Variants in MTA3 observed in about 807,000 individuals in gnomAD.
MTA3 encodes metastasis associated 1 family member 3, also known as metastasis-associated protein MTA3.
Under a neutral mutation model 83.5 loss-of-function variants are expected in MTA3, and 34 were observed. That is an observed-to-expected ratio of 0.41 (90% CI 0.31 to 0.54). The LOEUF is 0.54. Ranked by LOEUF, MTA3 falls within the 20% of genes least tolerant of loss-of-function variation. The probability of loss-of-function intolerance (pLI) is 0.33; values close to 1 mark genes in which losing one functional copy is unlikely to be tolerated. For missense variants in MTA3, 761 were observed against 726.4 expected, an observed-to-expected ratio of 1.05 and a Z score of -0.55; for synonymous variants, 303 against 252.7, an observed-to-expected ratio of 1.20 and a Z score of -1.89.
At chr2:42,649,077 CT>C (rs1688468521) in intron 6 of MTA3, among the ~76,000 whole-genome samples, 1 of 152,180 alleles carries the variant, frequency 6.6e-6, no homozygotes, top group South Asian at 2.1e-4. Flanking sequence ...TCTTCTCCCC[CT>C]GGCCTCTAGT....
chr2:42,747,042 C>G (rs1438830608), intron 16 of MTA3, among the ~76,000 whole-genome samples: 1 of 151,562 alleles, frequency 6.6e-6, no homozygotes, highest in Non-Finnish European at 1.5e-5. Context: ...CACTCTGTCA[C>G]CCAGGCTGGA....
chr2:42,677,802 A>G (rs1007217320), intron 8 of MTA3, among the ~76,000 whole-genome samples: 6 of 152,154 alleles, frequency 3.9e-5, no homozygotes, highest in Admixed American at 1.3e-4. Context: ...TTTCTTTTGT[A>G]AATTTCCCAG....
rs534456861 is a variant in MTA3 at position 42,560,704 on chromosome 2, A to T, written c.-140-9733A>T. Among the ~76,000 whole-genome samples the T allele has an allele frequency of 3.9e-5, 6 of 152,142 alleles. No homozygotes were observed. In the East Asian group the frequency reaches 1.2e-3, roughly 29 times the overall value. On this transcript the variant is annotated intron_variant, in intron 2 of 17. Transcript: ENST00000405592. Reference sequence around the variant, plus strand: ...CGGATCACCTGAGGTCAGGAGTTTGATACCAGCCTGGCCAACATAGTAAAA... The same window carrying T: ...CGGATCACCTGAGGTCAGGAGTTTGTTACCAGCCTGGCCAACATAGTAAAA...
intron 16 of MTA3, among the ~76,000 whole-genome samples, chr2:42,745,754 C>G (rs1558638856): frequency 6.7e-6 from 1 of 148,868 alleles, no homozygotes; most frequent in South Asian, 2.2e-4. Flanking sequence ...AACTTTGCTT[C>G]ATATATTAAA....
intron 2 of MTA3, among the ~76,000 whole-genome samples, chr2:42,557,815 A>T (rs1025445072): frequency 6.6e-6 from 1 of 152,208 alleles, no homozygotes; most frequent in Admixed American, 6.5e-5. Flanking sequence ...TAAAGATAAA[A>T]GGAACTGATA....
intron 2 of MTA3, among the ~76,000 whole-genome samples, chr2:42,560,399 T>C (rs1677611166): frequency 6.6e-6 from 1 of 151,038 alleles, no homozygotes; most frequent in South Asian, 2.1e-4. Context: ...ATCTCAGCAC[T>C]CTGGGAGTGA....
chr2:42,678,573 C>A (rs1691590676), intron 8 of MTA3, among the ~76,000 whole-genome samples: 1 of 152,272 alleles, frequency 6.6e-6, no homozygotes, highest in African/African-American at 2.4e-5. Context: ...AAGTGATCCG[C>A]CTGCATTGGC....
chr2:42,577,105 A>ATAT (rs1553347510), intron 2 of MTA3, among the ~76,000 whole-genome samples: 136 of 86,912 alleles, frequency 1.6e-3, no homozygotes, highest in Non-Finnish European at 2.5e-3. Flanking sequence ...AAAAAAAAAA[A>ATAT]ATATATATAT....
chr2:42,531,690 A>G (rs1675977736), intron 2 of MTA3, among the ~76,000 whole-genome samples: 1 of 151,440 alleles, frequency 6.6e-6, no homozygotes. Context: ...TGACCTTGTG[A>G]TCTGTCCACA....
At chr2:42,501,583 A>G (rs74543119) in intron 2 of MTA3, among the ~76,000 whole-genome samples, 2,122 of 152,312 alleles carry the variant, frequency 0.014, 36 homozygotes, top group African/African-American at 0.048. Flanking sequence ...CCACTACCCA[A>G]TGCAGTAAAG....
At chr2:42,714,351 G>C (rs901224649) in intron 14 of MTA3, among the ~76,000 whole-genome samples, 2 of 151,612 alleles carry the variant, frequency 1.3e-5, no homozygotes, top group South Asian at 2.1e-4. Flanking sequence ...TTGCCAAGCA[G>C]ATTTTTTTTT....
intron 4 of MTA3, among the ~76,000 whole-genome samples, chr2:42,634,935 C>T (rs1486713659): frequency 6.6e-6 from 1 of 152,022 alleles, no homozygotes; most frequent in Non-Finnish European, 1.5e-5. Flanking sequence ...ATGAACATGT[C>T]AGTATTATGT....
intron 6 of MTA3, 115 bp downstream of exon 6, chr2:42,644,359 A>C (rs1465458381): frequency 3.3e-6 from 2 of 598,344 alleles, no homozygotes; most frequent in Non-Finnish European, 5.8e-6. Flanking sequence ...AGTTATAAGC[A>C]CTTGCCATTT....
Position 42,695,148 on chromosome 2 carries a change from G to GTTA in MTA3, c.892-615_892-613dup, listed in dbSNP as rs554416676. On this transcript the variant is annotated intron_variant, in intron 9 of 16. Transcript: ENST00000405094. Reference sequence around the variant, plus strand: ...CTCTTAAATAAAAAGAGAAAGAAATGTTATCAGTTATGATGTTTATAATTT... The same window carrying GTTA: ...CTCTTAAATAAAAAGAGAAAGAAATGTTATTATCAGTTATGATGTTTATAATTT... 1.1e-3 allele frequency among the ~76,000 whole-genome samples: 164 copies of GTTA among 151,930 alleles called. 1 individual carries two copies. The highest frequency in any genetic ancestry group is 1.9e-3 in the Non-Finnish European group (129 of 67,942).
At chr2:42,544,469 A>G (rs1676666122) in intron 2 of MTA3, among the ~76,000 whole-genome samples, 1 of 151,520 alleles carries the variant, frequency 6.6e-6, no homozygotes, top group Non-Finnish European at 1.5e-5. Context: ...AACAAAAACA[A>G]AAACAAAAAA....
At chr2:42,663,087 A>G (rs986189226) in intron 8 of MTA3, among the ~76,000 whole-genome samples, 1 of 152,202 alleles carries the variant, frequency 6.6e-6, no homozygotes, top group African/African-American at 2.4e-5. Context: ...CTAATGTTGC[A>G]TGATCTTATA....
chr2:42,662,104 T>C (rs1206071229), intron 8 of MTA3, among the ~76,000 whole-genome samples: 2 of 152,206 alleles, frequency 1.3e-5, no homozygotes, highest in East Asian at 3.8e-4. Flanking sequence ...TGTTAATAAA[T>C]ATAAACACAG....
chr2:42,681,538 G>A (rs888600133), intron 8 of MTA3, among the ~76,000 whole-genome samples: 2 of 151,942 alleles, frequency 1.3e-5, no homozygotes, highest in Non-Finnish European at 2.9e-5. Context: ...TTTGAGATAG[G>A]CTGTCACTCT....
At chr2:42,553,921 GA>G (rs111245000) in intron 2 of MTA3, among the ~76,000 whole-genome samples, 125 of 124,874 alleles carry the variant, frequency 1.0e-3, no homozygotes, top group African/African-American at 3.3e-3. Context: ...GAAGGAAGAA[GA>G]AAAAAAAAAC....
Sources: allele counts gnomAD v4.1 joint callset (sites outside exome capture counted in the v4.1 genomes callset), GRCh38; gene constraint gnomAD v4.1.1; transcripts MANE v1.5; gene names NCBI Gene and HGNC (gene_info 2026-07-23, HGNC 2026-07-21).